The following AP5Z1 variants were observed in gnomAD, a reference collection of about 807,000 sequenced individuals.
The protein encoded by AP5Z1 is AP-5 complex subunit zeta-1.
AP5Z1 carries 106 observed loss-of-function variants against 83.0 expected under a neutral mutation model. The ratio of observed to expected loss-of-function variants is 1.28; its 90% CI spans 1.09 to 1.50. AP5Z1 has a LOEUF of 1.50. AP5Z1 is among the 40% of genes most tolerant of loss of function. The pLI is 0.00. For missense variants in AP5Z1, 1,565 were observed against 1,094.2 expected (o/e 1.43, Z -6.07); for synonymous variants, 751 against 514.1 (o/e 1.46, Z -6.23).
rs372439820 is a variant in AP5Z1, at chr7:4,782,740, C to T, written c.367-576C>T. 1.1e-3 allele frequency among the ~76,000 whole-genome samples: 164 copies of T among 152,032 alleles called. 2 individuals carry two copies. The highest frequency in any genetic ancestry group is 3.2e-3 in the African/African-American group (133 of 41,516). ...CCTGGCCTTTGGAACAAGATGACTC[C>T]GGCTCTTCTTGTTTGTTTCACCCGC... On this transcript the variant is annotated intron_variant, in intron 3 of 16. Coordinates refer to ENST00000649063, the MANE Select transcript of AP5Z1 (RefSeq NM_014855.3).
chr7:4,789,555 C>A (rs1020610916), intron 13 of AP5Z1, among the ~76,000 whole-genome samples: 3 of 152,242 alleles, frequency 2.0e-5, no homozygotes, highest in African/African-American at 7.2e-5. Flanking sequence ...CTTGGCCAAA[C>A]AAGACGTGTG....
At chr7:4,783,848 C>G (rs891816114) in intron 5 of AP5Z1, 50 bp downstream of exon 5, 28 of 1,513,200 alleles carry the variant, frequency 1.9e-5, no homozygotes, top group Non-Finnish European at 2.5e-5. Flanking sequence ...CACAGACAAC[C>G]CCTCCCTGAG....
At chr7:4,785,091 G>A (rs374143743) in intron 7 of AP5Z1, 43 bp downstream of exon 7, 163 of 1,550,218 alleles carry the variant, frequency 1.1e-4, no homozygotes, top group South Asian at 7.2e-4. Context: ...AGGGCTCGAC[G>A]CACCTGCTCT....
At chr7:4,782,744 T>A (rs1040684610) in intron 3 of AP5Z1, among the ~76,000 whole-genome samples, 1 of 151,728 alleles carries the variant, frequency 6.6e-6, no homozygotes, top group Admixed American at 6.6e-5. Context: ...TGACTCCGGC[T>A]CTTCTTGTTT....
At chr7:4,778,758 A>G (rs1252998762) in intron 1 of AP5Z1, among the ~76,000 whole-genome samples, 2 of 146,324 alleles carry the variant, frequency 1.4e-5, no homozygotes, top group African/African-American at 2.5e-5. Context: ...CATTTTATAT[A>G]TTATATATTA....
chr7:4,790,153 C>A, intron 14 of AP5Z1: 3 of 1,505,170 alleles, frequency 2.0e-6, no homozygotes, highest in Non-Finnish European at 2.7e-6. Flanking sequence ...AGCCTGTCCT[C>A]TTCAGGGTTA....
Position 4,788,977 on chromosome 7 carries a change from A to T in AP5Z1, c.1707+26A>T, listed in dbSNP as rs1184253868. On this transcript the variant is annotated intron_variant, in intron 13 of 16. Transcript: ENST00000649063. ...GTGAGCTCGCTGCCTGGGGCCCCCCATTCCCACAGGCCTCACAACTGAGGG... is the reference window on the plus strand; with the variant it reads ...GTGAGCTCGCTGCCTGGGGCCCCCCTTTCCCACAGGCCTCACAACTGAGGG... The T allele has an allele frequency of 7.5e-6, 12 of 1,591,986 alleles. No homozygotes were observed. In the South Asian group the frequency reaches 1.3e-4, roughly 18 times the overall value.
chr7:4,781,032 G>C, intron 1 of AP5Z1, 143 bp from the exon 2 acceptor site: 5 of 1,079,566 alleles, frequency 4.6e-6, no homozygotes, highest in Non-Finnish European at 6.5e-6. Context: ...TTTATCTCGA[G>C]AGCCATGAGC....
In AP5Z1 at chr7:4,790,001, C is replaced by T. The variant is rs572157076; in HGVS notation, c.1805+72C>T. On this transcript the variant is annotated intron_variant, in intron 14 of 16. Transcript: ENST00000649063. ...TGGACTCCTCCCCCTCTCCCCTCCC[C>T]CCTCCCCTTCAGTGGCTTCGGCACC... 6 of 959,596 alleles carry T rather than the reference C, an allele frequency of 6.3e-6. No individual in the cohort carries two copies. In the African/African-American group the frequency reaches 6.4e-5, roughly 10 times the overall value. 59.4% of individuals were successfully genotyped at this position (959,596 alleles called of 1,614,324 possible).
At chr7:4,783,990 G>A (rs1292191285) in intron 5 of AP5Z1, among the ~76,000 whole-genome samples, 192 bp downstream of exon 5, 4 of 152,176 alleles carry the variant, frequency 2.6e-5, no homozygotes, top group Non-Finnish European at 4.4e-5. Context: ...GTCTGTGCGC[G>A]GGTTCAGTCC....
chr7:4,778,399 G>A (rs1268854476), intron 1 of AP5Z1, among the ~76,000 whole-genome samples: 1 of 152,206 alleles, frequency 6.6e-6, no homozygotes, highest in Non-Finnish European at 1.5e-5. Context: ...CGCAAGGTCG[G>A]GGATTTCCAG....
chr7:4,789,022 G>C, intron 13 of AP5Z1, 71 bp downstream of exon 13: 32 of 1,344,464 alleles, frequency 2.4e-5, no homozygotes, highest in Non-Finnish European at 3.2e-5. Flanking sequence ...AGCCAGCACT[G>C]GGGGGCCCTC....
At position 4,791,546 on chromosome 7, in the gene AP5Z1, C is replaced by T. The variant is rs977722184; in HGVS notation, c.*161C>T. On this transcript the variant is annotated 3_prime_UTR_variant, in exon 17 of 17. Coordinates refer to ENST00000649063, the MANE Select transcript of AP5Z1 (RefSeq NM_014855.3). ...CCTCACAGACACGCGGGGCTGGCCC[C>T]CCTGCTCACCCTCTGGGCTTTGTCT... 1.9e-6 allele frequency: 2 copies of T among 1,043,996 alleles called. No individual in the cohort carries two copies. Among genetic ancestry groups the T allele is most frequent in the African/African-American group, 1.6e-5 (1 of 62,012 alleles). The allele number at this position is 1,043,996 out of a possible 1,614,324, so 64.7% of individuals were successfully genotyped here. A position where few individuals can be genotyped will look rare whatever the true frequency, so the allele number is the denominator to read the frequency against.
intron 7 of AP5Z1, 82 bp downstream of exon 7, chr7:4,785,130 C>T (rs1165717994): frequency 1.5e-5 from 23 of 1,511,674 alleles, no homozygotes; most frequent in Non-Finnish European, 2.0e-5. Context: ...AGCACAGCTT[C>T]CCTGAGCTAC....
At chr7:4,778,820 A>G (rs1316008741) in intron 1 of AP5Z1, among the ~76,000 whole-genome samples, 1 of 143,624 alleles carries the variant, frequency 7.0e-6, no homozygotes, top group Non-Finnish European at 1.5e-5. Flanking sequence ...ATTATATGTT[A>G]TATTATATAT....
rs1188424125 is a variant in AP5Z1, at chr7:4,790,750, A to G, written c.2016A>G (p.Glu672=). The change falls in exon 16 of 17, where the codon GAA becomes GAG. Residue 672 remains glutamate, a synonymous_variant. Coordinates refer to ENST00000649063, the MANE Select transcript of AP5Z1 (RefSeq NM_014855.3). ...CTVEQINKFF[E]ALEALLFEVT... ...TGGAGCAGATCAACAAGTTCTTCGA[A>G]GCCCTGGAGGCTCTGCTATTCGAGG... 1.9e-6 allele frequency: 3 copies of G among 1,609,552 alleles called. No individual in the cohort carries two copies. The highest frequency in any genetic ancestry group is 2.5e-6 in the Non-Finnish European group (3 of 1,178,914).
Position 4,791,429 on chromosome 7 carries a change from C to T in AP5Z1, c.*44C>T, listed in dbSNP as rs914921383. 5 of 1,550,198 alleles carry T rather than the reference C, an allele frequency of 3.2e-6. No individual in the cohort carries two copies. Among genetic ancestry groups the T allele is most frequent in the African/African-American group, 1.4e-5 (1 of 73,682 alleles). ...CTTCGGTGCAGATTAAGAGCCTGGG[C>T]AGCCAGCTTGCTACTGAGGCCAGGC... On this transcript the variant is annotated 3_prime_UTR_variant, in exon 17 of 17. Coordinates refer to ENST00000649063, the MANE Select transcript of AP5Z1 (RefSeq NM_014855.3).
At chr7:4,787,131 A>C (rs981798715) in intron 10 of AP5Z1, among the ~76,000 whole-genome samples, 1 of 152,026 alleles carries the variant, frequency 6.6e-6, no homozygotes, top group Non-Finnish European at 1.5e-5. Context: ...GGTCTTTTCA[A>C]CTGAGGTGGG....
rs768056824 is a variant in AP5Z1, at chr7:4,785,061, C to A, written c.931+13C>A. The A allele has an allele frequency of 6.3e-7, 1 of 1,585,716 alleles. No homozygotes were observed. On this transcript the variant is annotated intron_variant, in intron 7 of 16. Coordinates refer to ENST00000649063, the MANE Select transcript of AP5Z1 (RefSeq NM_014855.3). Reference sequence around the variant, plus strand: ...CAAAGTAACCGACGTGAGTCCCCCACCCAGGGCACTGGCCTCCCCAGGGCT... The same window carrying A: ...CAAAGTAACCGACGTGAGTCCCCCAACCAGGGCACTGGCCTCCCCAGGGCT...
Sources: allele counts gnomAD v4.1 joint callset (sites outside exome capture counted in the v4.1 genomes callset), GRCh38; gene constraint gnomAD v4.1.1; transcripts MANE v1.5; gene names NCBI Gene and HGNC (gene_info 2026-07-23, HGNC 2026-07-21).